Variants in BASP1 observed in about 807,000 individuals in gnomAD.
BASP1 encodes the protein brain abundant membrane attached signal protein 1.
A neutral mutation model predicts 2.2 loss-of-function variants in BASP1; 1 was observed. That is an observed-to-expected ratio of 0.46 (90% CI 0.16 to 2.17). The LOEUF (loss-of-function observed/expected upper bound fraction) is 2.17. Ranked by LOEUF, BASP1 falls within the 30% of genes most tolerant of loss-of-function variation. BASP1 has a pLI of 0.27. For missense variants in BASP1, 352 were observed against 327.2 expected (o/e 1.08, Z -0.58); for synonymous variants, 187 against 154.2 (o/e 1.21, Z -1.58).
At chr5:17,218,272 AGGGTGG>A (rs1561161467) in intron 1 of BASP1, among the ~76,000 whole-genome samples, 6 of 2,970 alleles carry the variant, frequency 2.0e-3, no homozygotes. Context: ...CCAAAGATGG[AGGGTGG>A]GGGTGGGGTG....
At chr5:17,217,864 C>T (rs1739293236) in intron 1 of BASP1, 54 bp downstream of exon 1, 1 of 152,000 alleles carries the variant, frequency 6.6e-6, no homozygotes, top group African/African-American at 2.4e-5. Context: ...GGGCCTCCGT[C>T]CCCCACCGCG....
intron 1 of BASP1, among the ~76,000 whole-genome samples, chr5:17,259,701 G>A (rs2126513329): frequency 6.6e-6 from 1 of 152,296 alleles, no homozygotes; most frequent in African/African-American, 2.4e-5. Context: ...TTTGGAGACA[G>A]GAACTACTGG....
At position 17,234,595 on chromosome 5, in the gene BASP1, T is replaced by C. The variant is rs186763037; in HGVS notation, c.-10+16785T>C. On this transcript the variant is annotated intron_variant, in intron 1 of 1. Coordinates refer to ENST00000322611, the MANE Select transcript of BASP1 (RefSeq NM_006317.5). ...ACATGAGGTTTTTCTACCATGTGAA[T>C]GTGACGTGGGAACATACAAACCACA... Among the ~76,000 whole-genome samples, 12 of 152,350 alleles carry C rather than the reference T, an allele frequency of 7.9e-5. No homozygotes were observed. The East Asian group carries it at 2.3e-3, about 29-fold the overall frequency.
chr5:17,220,965 T>C (rs1484023137), intron 1 of BASP1, among the ~76,000 whole-genome samples: 1 of 152,124 alleles, frequency 6.6e-6, no homozygotes, highest in Non-Finnish European at 1.5e-5. Flanking sequence ...TTTGTAAAAA[T>C]TGCAAAATCC....
At chr5:17,221,045 C>G (rs1053908237) in intron 1 of BASP1, among the ~76,000 whole-genome samples, 2 of 152,200 alleles carry the variant, frequency 1.3e-5, no homozygotes, top group African/African-American at 2.4e-5. Context: ...TTTATACACA[C>G]TCTAAAATCT....
rs115030568 is a variant in BASP1, at chr5:17,251,984, C to T, written c.-9-23224C>T. 4.9e-4 allele frequency among the ~76,000 whole-genome samples: 74 copies of T among 152,202 alleles called. 1 individual carries two copies. Among genetic ancestry groups the T allele is most frequent in the African/African-American group, 1.5e-3 (64 of 41,522 alleles). On this transcript the variant is annotated intron_variant, in intron 1 of 1. Coordinates refer to ENST00000322611, the MANE Select transcript of BASP1 (RefSeq NM_006317.5). The surrounding 1 kb of genome is among the most constrained non-coding windows in gnomAD (Gnocchi z 4.0). ...TCAGTATCCCAGAGGGCTTTCAAAACCCTTCAACTGGATGGGTCTCCCAGC... is the reference window on the plus strand; with the variant it reads ...TCAGTATCCCAGAGGGCTTTCAAAATCCTTCAACTGGATGGGTCTCCCAGC...
chr5:17,232,993 C>T (rs1232914804), intron 1 of BASP1, among the ~76,000 whole-genome samples: 1 of 152,160 alleles, frequency 6.6e-6, no homozygotes, highest in Non-Finnish European at 1.5e-5. Context: ...AAGTTTGTAG[C>T]TTTTCACAAT....
rs1416144457 is a variant in BASP1 at position 17,236,953 on chromosome 5, A to G, written c.-10+19143A>G. On this transcript the variant is annotated intron_variant, in intron 1 of 1. Coordinates refer to ENST00000322611, the MANE Select transcript of BASP1 (RefSeq NM_006317.5). The surrounding 1 kb of genome is among the most constrained non-coding windows in gnomAD (Gnocchi z 4.0). ...CTGTGTCATTCCTCTGGAATTTTCA[A>G]AAGCTGAGATTTTTCTGTATACTTT... Among the ~76,000 whole-genome samples the G allele has an allele frequency of 1.3e-5, 2 of 152,226 alleles. No individual in the cohort carries two copies. Among genetic ancestry groups the G allele is most frequent in the Admixed American group, 1.3e-4 (2 of 15,286 alleles).
At chr5:17,270,806 C>T (rs926561775) in intron 1 of BASP1, among the ~76,000 whole-genome samples, 12 of 152,096 alleles carry the variant, frequency 7.9e-5, no homozygotes, top group African/African-American at 2.9e-4. Context: ...CTCACATGGC[C>T]TCACATTAAA....
At chr5:17,218,969 G>A (rs1255219302) in intron 1 of BASP1, among the ~76,000 whole-genome samples, 1 of 135,496 alleles carries the variant, frequency 7.4e-6, no homozygotes, top group Non-Finnish European at 1.5e-5. Context: ...CAGCACACAT[G>A]GGTGCATTTT....
chr5:17,276,027 C>A lies in BASP1; in HGVS notation c.*127C>A. ...TCTCCTATCTCTCCTCTCTCTCTCT[C>A]CTATACTAACTTGTTTCAAATTGGA... On this transcript the variant is annotated 3_prime_UTR_variant, in exon 2 of 2. Transcript: ENST00000322611. The A allele has an allele frequency of 1.3e-6, 1 of 765,432 alleles. No individual in the cohort carries two copies. Among genetic ancestry groups the A allele is most frequent in the Non-Finnish European group, 1.9e-6 (1 of 529,326 alleles). 47.4% of individuals were successfully genotyped at this position (765,432 alleles called of 1,614,324 possible).
At chr5:17,225,640 C>T (rs2126488944) in intron 1 of BASP1, among the ~76,000 whole-genome samples, 1 of 152,300 alleles carries the variant, frequency 6.6e-6, no homozygotes, top group South Asian at 2.1e-4. Flanking sequence ...TGGCTTTAGA[C>T]TTATTTGGGG....
At chr5:17,217,466 G>A (rs191410553), upstream of BASP1, 887 of 119,500 alleles carry the variant, frequency 7.4e-3, 10 homozygotes, top group Middle Eastern at 0.017. Context: ...GGGGGTGGAG[G>A]GGAGACGGGC....
intron 1 of BASP1, among the ~76,000 whole-genome samples, chr5:17,264,683 A>G (rs1353283297): frequency 6.6e-6 from 1 of 152,234 alleles, no homozygotes; most frequent in East Asian, 1.9e-4. Flanking sequence ...CTGCAATCAA[A>G]CCAGAAATAA....
At chr5:17,259,977 G>T (rs1439326029) in intron 1 of BASP1, among the ~76,000 whole-genome samples, 1 of 152,198 alleles carries the variant, frequency 6.6e-6, no homozygotes, top group Admixed American at 6.5e-5. Flanking sequence ...GAGAGAAATG[G>T]TACAGAAATG....
intron 1 of BASP1, among the ~76,000 whole-genome samples, chr5:17,271,516 G>A (rs1392013799): frequency 6.6e-6 from 1 of 152,144 alleles, no homozygotes; most frequent in African/African-American, 2.4e-5. Flanking sequence ...TAGAACTGAG[G>A]TCAGTGCCTT....
At chr5:17,274,281 G>A (rs1221220453) in intron 1 of BASP1, among the ~76,000 whole-genome samples, 1 of 152,214 alleles carries the variant, frequency 6.6e-6, no homozygotes, top group South Asian at 2.1e-4. Context: ...ATGAATTTAT[G>A]TCAGACACAG....
Position 17,275,440 on chromosome 5 carries a change from C to G in BASP1, c.224C>G (p.Ala75Gly), listed in dbSNP as rs779760688. 1.3e-6 allele frequency: 2 copies of G among 1,526,318 alleles called. No homozygotes were observed. Among genetic ancestry groups the G allele is most frequent in the Non-Finnish European group, 1.8e-6 (2 of 1,138,144 alleles). 94.5% of individuals were successfully genotyped at this position (1,526,318 alleles called of 1,614,324 possible). ...GAGGAGAAGGAGGGCGAGAAGGACGCGGCGGCTGCCAAGGAGGAGGCCCCG... is the reference window on the plus strand; with the variant it reads ...GAGGAGAAGGAGGGCGAGAAGGACGGGGCGGCTGCCAAGGAGGAGGCCCCG... ...KAEEKEGEKDAAAAKEEAPKA... is the reference protein window; with the variant it reads ...KAEEKEGEKDGAAAKEEAPKA... The change falls in exon 2 of 2, where the codon GCG becomes GGG. Residue 75 changes from alanine (A) to glycine (G), a missense_variant. Physicochemically the swap from Ala to Gly is moderately conservative, Grantham distance 60. Coordinates refer to ENST00000322611, the MANE Select transcript of BASP1 (RefSeq NM_006317.5). This position sits in a 1 kb window ranked among gnomAD's most constrained non-coding sequence, Gnocchi z 5.3.
chr5:17,241,260 CGGCT>C, intron 1 of BASP1, among the ~76,000 whole-genome samples: 3 of 151,966 alleles, frequency 2.0e-5, no homozygotes, highest in African/African-American at 7.3e-5. Context: ...CCACCAGTCC[CGGCT>C]AATTTTTGTG....
Sources: gnomAD v4.1 joint callset for allele counts (sites outside exome capture counted in the v4.1 genomes callset) on GRCh38, gnomAD v4.1.1 for gene constraint, Gnocchi (gnomAD v3.1) non-coding constraint, MANE v1.5 for transcripts, NCBI Gene and HGNC (gene_info 2026-07-23, HGNC 2026-07-21) for gene names.